Variants in ST18 observed in about 807,000 individuals in gnomAD.
The protein encoded by ST18 is ST18 C2H2C-type zinc finger transcription factor.
Under a neutral mutation model 110.0 loss-of-function variants are expected in ST18, and 50 were observed. That is an observed-to-expected ratio of 0.45 (90% CI 0.36 to 0.58). The LOEUF (loss-of-function observed/expected upper bound fraction) is 0.58, where lower values mean the gene tolerates loss of function less well. Among genes scored for constraint, ST18 ranks in the 20% least tolerant of loss-of-function variants. The pLI, the probability that ST18 is intolerant of heterozygous loss-of-function variation, is 0.00. For missense variants in ST18, 1,306 were observed against 1,280.1 expected (o/e 1.02, Z -0.31); for synonymous variants, 461 against 452.4 (o/e 1.02, Z -0.24).
chr8:52,363,490 G>A (rs1453619813), intron 2 of ST18, among the ~76,000 whole-genome samples: 2 of 152,126 alleles, frequency 1.3e-5, no homozygotes, highest in Non-Finnish European at 2.9e-5. Context: ...ACACCATAGA[G>A]AGCTCTATGC....
In ST18 at chr8:52,180,254, C is replaced by T. The variant is rs1174210057; in HGVS notation, c.145G>A (p.Val49Ile). Residue 49 changes from valine to isoleucine, a missense_variant, in exon 9 of 26, where the codon GTT becomes ATT. Transcript: ENST00000689386. ...KRTAEDQALG[V>I]PVNKRKSLLM... is the part of the protein sequence containing the mutation. ...AGGGATTTCCTTTTGTTGACTGGAACCCCCAAAGCCTGATCTTCAGCTGTT... is the reference window on the plus strand; with the variant it reads ...AGGGATTTCCTTTTGTTGACTGGAATCCCCAAAGCCTGATCTTCAGCTGTT... The T allele has an allele frequency of 3.1e-6, 5 of 1,614,168 alleles. No individual in the cohort carries two copies. In the South Asian group the frequency reaches 5.5e-5, roughly 18 times the overall value.
Position 52,205,946 on chromosome 8 carries a change from G to A in ST18, c.86+6133C>T, listed in dbSNP as rs567931028. Among the ~76,000 whole-genome samples the A allele has an allele frequency of 4.6e-5, 7 of 152,240 alleles. No homozygotes were observed. In the South Asian group the frequency reaches 1.5e-3, roughly 32 times the overall value. ...TGTCTGAAGGTTAGGATACTTTTCA[G>A]CTTGATTTATTAATTTATTGATAAA... On this transcript the variant is annotated intron_variant, in intron 8 of 25. Coordinates refer to ENST00000689386, the MANE Select transcript of ST18 (RefSeq NM_001352837.2).
chr8:52,286,965 T>G (rs1337209041), intron 2 of ST18, among the ~76,000 whole-genome samples: 1 of 151,992 alleles, frequency 6.6e-6, no homozygotes, highest in African/African-American at 2.4e-5. Flanking sequence ...TGTGCTCAAG[T>G]TTGAAAACCA....
At chr8:52,149,684 T>C in intron 16 of ST18, 48 bp downstream of exon 16, 1 of 1,581,828 alleles carries the variant, frequency 6.3e-7, no homozygotes, top group Non-Finnish European at 8.6e-7. Flanking sequence ...AGTGATACCC[T>C]GCAATCATGC....
chr8:52,131,453 C>T (rs537878969), intron 22 of ST18, among the ~76,000 whole-genome samples: 2 of 152,344 alleles, frequency 1.3e-5, no homozygotes, highest in Admixed American at 6.5e-5. Context: ...TCTCCTGTAT[C>T]CTGCTGCACA....
rs186012432 is a variant in ST18, at chr8:52,218,197, T to G, written c.-156-296A>C. 1.3e-3 allele frequency among the ~76,000 whole-genome samples: 199 copies of G among 152,162 alleles called. 1 individual carries two copies. Among genetic ancestry groups the G allele is most frequent in the African/African-American group, 3.6e-3 (149 of 41,540 alleles). ...ATCAACAGGGCTCTACACATTAATATATATTTATAATATACCTCTCTCTCT... is the reference window on the plus strand; with the variant it reads ...ATCAACAGGGCTCTACACATTAATAGATATTTATAATATACCTCTCTCTCT... On this transcript the variant is annotated intron_variant, in intron 5 of 25. Coordinates refer to ENST00000689386, the MANE Select transcript of ST18 (RefSeq NM_001352837.2).
chr8:52,324,600 T>C (rs1805469559), intron 2 of ST18, among the ~76,000 whole-genome samples: 1 of 152,240 alleles, frequency 6.6e-6, no homozygotes, highest in Non-Finnish European at 1.5e-5. Flanking sequence ...GATTGTACCA[T>C]TTCTGAGTGC....
chr8:52,254,941 TAGAC>T (rs1409490708), intron 2 of ST18, among the ~76,000 whole-genome samples: 1 of 152,084 alleles, frequency 6.6e-6, no homozygotes, highest in Non-Finnish European at 1.5e-5. Context: ...GCTCACGAAT[TAGAC>T]AGGCACAGAT....
intron 2 of ST18, among the ~76,000 whole-genome samples, chr8:52,309,483 T>C (rs2095866458): frequency 7.6e-6 from 1 of 131,080 alleles, no homozygotes; most frequent in African/African-American, 3.0e-5. Flanking sequence ...ATTGCACCAT[T>C]GCACTCCAGC....
intron 16 of ST18, among the ~76,000 whole-genome samples, chr8:52,146,932 A>G (rs1464149044): frequency 6.6e-6 from 1 of 152,200 alleles, no homozygotes; most frequent in Non-Finnish European, 1.5e-5. Flanking sequence ...CTGGGACAAT[A>G]AGCATTTAGC....
chr8:52,397,698 A>G (rs1274784067), intron 2 of ST18, among the ~76,000 whole-genome samples: 1 of 152,170 alleles, frequency 6.6e-6, no homozygotes, highest in Non-Finnish European at 1.5e-5. Context: ...TATTTACTGA[A>G]GAGACTATCC....
intron 2 of ST18, among the ~76,000 whole-genome samples, chr8:52,267,327 A>G (rs1013370289): frequency 1.3e-5 from 2 of 151,922 alleles, no homozygotes; most frequent in Admixed American, 6.6e-5. Context: ...AATATGTAGG[A>G]GTACGCAGGA....
chr8:52,325,124 T>C (rs1453213194), intron 2 of ST18, among the ~76,000 whole-genome samples: 1 of 151,628 alleles, frequency 6.6e-6, no homozygotes, highest in East Asian at 1.9e-4. Context: ...AAATTATGAG[T>C]CAAAGAAACA....
intron 2 of ST18, among the ~76,000 whole-genome samples, chr8:52,239,699 G>C (rs975060628): frequency 6.6e-6 from 1 of 152,162 alleles, no homozygotes; most frequent in African/African-American, 2.4e-5. Flanking sequence ...ACTCCCCAAC[G>C]TGTGGTCTCT....
At chr8:52,218,554 AT>A (rs745791743) in intron 5 of ST18, among the ~76,000 whole-genome samples, 17,326 of 100,902 alleles carry the variant, frequency 0.17, 1,326 homozygotes, top group African/African-American at 0.25. Flanking sequence ...TGCCTGGCTA[AT>A]TTTTTTTTTT....
At position 52,139,325 on chromosome 8, in the gene ST18, TA is replaced by T. The variant is rs1304829426; in HGVS notation, c.2169-1843del. Among the ~76,000 whole-genome samples, 53 of 43,822 alleles carry T rather than the reference TA, an allele frequency of 1.2e-3. No individual in the cohort carries two copies. In the African/African-American group the frequency reaches 0.043, roughly 35 times the overall value. 28.7% of individuals were successfully genotyped at this position (43,822 alleles called of 152,430 possible). On this transcript the variant is annotated intron_variant, in intron 17 of 25. Transcript: ENST00000689386. The stretch of plus-strand genomic sequence containing the variant: ...TAGTGTTACAAACAGCATTGCATTA[TA>T]TATATATATATATATATACACACAA...
chr8:52,362,114 A>G (rs1825984617), intron 2 of ST18, among the ~76,000 whole-genome samples: 1 of 152,182 alleles, frequency 6.6e-6, no homozygotes, highest in Non-Finnish European at 1.5e-5. Flanking sequence ...ATCTGAGTGA[A>G]TTTGAACCTG....
At chr8:52,171,451 G>T (rs746496706) in intron 10 of ST18, 67 of 377,660 alleles carry the variant, frequency 1.8e-4, no homozygotes, top group Non-Finnish European at 3.1e-4. Context: ...TAAGTTTCTG[G>T]AAGATTTAAG....
rs373448700 is a variant in ST18 at position 52,182,254 on chromosome 8, TCTTTTACATAAATACC to T, written c.87-1958_87-1943del. Among the ~76,000 whole-genome samples the T allele has an allele frequency of 6.8e-3, 1,028 of 152,286 alleles. 12 individuals are homozygous for T. The highest frequency in any genetic ancestry group is 0.024 in the African/African-American group (984 of 41,548). Reference sequence around the variant, plus strand: ...GATGTTTCAGGATCCCGATTTCAATTCTTTTACATAAATACCCAGAAGTGGGGCTGCTGGATCATAT... The same window carrying T: ...GATGTTTCAGGATCCCGATTTCAATTCAGAAGTGGGGCTGCTGGATCATAT... On this transcript the variant is annotated intron_variant, in intron 8 of 25. Coordinates refer to ENST00000689386, the MANE Select transcript of ST18 (RefSeq NM_001352837.2).
Sources: gnomAD v4.1 joint callset for allele counts (sites outside exome capture counted in the v4.1 genomes callset) on GRCh38, gnomAD v4.1.1 for gene constraint, MANE v1.5 for transcripts, NCBI Gene and HGNC (gene_info 2026-07-23, HGNC 2026-07-21) for gene names.